Variants in CCDC181 observed in about 807,000 individuals in gnomAD.
CCDC181 encodes the protein coiled-coil domain containing 181, also known as coiled-coil domain-containing protein 181.
A neutral mutation model predicts 58.7 loss-of-function variants in CCDC181; 35 were observed. The ratio of observed to expected loss-of-function variants is 0.60; its 90% CI spans 0.46 to 0.79. The LOEUF (loss-of-function observed/expected upper bound fraction) is 0.79. Among genes scored for constraint, CCDC181 ranks in the 30% least tolerant of loss-of-function variants. The pLI is 0.00. For synonymous variants in CCDC181, 183 were observed against 197.5 expected, an observed-to-expected ratio of 0.93 and a Z score of 0.62; for missense variants, 517 against 583.9, an observed-to-expected ratio of 0.89 and a Z score of 1.18.
intron 1 of CCDC181, 49 bp downstream of exon 1, chr1:169,427,239 T>G (rs1656751053): frequency 1.3e-5 from 2 of 152,262 alleles, no homozygotes; most frequent in South Asian, 4.1e-4. Flanking sequence ...ATCCCACCAT[T>G]AACATCTCCG....
intron 3 of CCDC181, among the ~76,000 whole-genome samples, chr1:169,419,750 G>A (rs188529563): frequency 2.0e-5 from 3 of 152,216 alleles, no homozygotes; most frequent in Non-Finnish European, 4.4e-5. Context: ...TATGACAAAC[G>A]ATGATTATCT....
intron 4 of CCDC181, among the ~76,000 whole-genome samples, chr1:169,405,215 G>T (rs61807020): frequency 0.028 from 4,301 of 152,296 alleles, 107 homozygotes; most frequent in Non-Finnish European, 0.044. Flanking sequence ...TCAATATCGT[G>T]AAAATGGCCA....
chr1:169,433,798 T>C (rs1225836348), intron 2 of CCDC181, among the ~76,000 whole-genome samples: 7 of 152,004 alleles, frequency 4.6e-5, no homozygotes, highest in Admixed American at 4.6e-4. Flanking sequence ...AAGATGTAAA[T>C]GTAAGAACTA....
chr1:169,445,445 T>C (rs935021854), intron 2 of CCDC181, among the ~76,000 whole-genome samples: 2 of 152,194 alleles, frequency 1.3e-5, no homozygotes, highest in African/African-American at 2.4e-5. Flanking sequence ...ATTACATTTA[T>C]TGATTTTGAA....
upstream of CCDC181, among the ~76,000 whole-genome samples, chr1:169,430,801 T>C (rs1450928648): frequency 2.0e-5 from 3 of 152,122 alleles, no homozygotes; most frequent in Non-Finnish European, 4.4e-5. Context: ...AGATACAGAA[T>C]CTTCTTGGGT....
intron 3 of CCDC181, among the ~76,000 whole-genome samples, chr1:169,419,897 G>T (rs1656383652): frequency 6.6e-6 from 1 of 152,034 alleles, no homozygotes; most frequent in Non-Finnish European, 1.5e-5. Flanking sequence ...AGAAAATATG[G>T]GCATAAAAAA....
intron 2 of CCDC181, chr1:169,452,856 A>G (rs1364383036): frequency 6.6e-6 from 1 of 152,136 alleles, no homozygotes; most frequent in African/African-American, 2.4e-5. Context: ...AAATTGAATT[A>G]AAAATTATTT....
At chr1:169,436,594 T>A (rs1454015155) in intron 2 of CCDC181, among the ~76,000 whole-genome samples, 1 of 152,136 alleles carries the variant, frequency 6.6e-6, no homozygotes, top group Admixed American at 6.5e-5. Flanking sequence ...AAAAGAAAAT[T>A]TTTTTGTCTC....
At chr1:169,443,002 G>C (rs926452003) in intron 2 of CCDC181, 1 of 151,810 alleles carries the variant, frequency 6.6e-6, no homozygotes, top group East Asian at 1.9e-4. Flanking sequence ...AGACATATAT[G>C]TGTCTATATG....
At chr1:169,425,316 CTAAGT>C (rs1557872828) in intron 1 of CCDC181, among the ~76,000 whole-genome samples, 1 of 152,066 alleles carries the variant, frequency 6.6e-6, no homozygotes, top group African/African-American at 2.4e-5. Flanking sequence ...TTTGGCCAGA[CTAAGT>C]TATTACTGAA....
intron 2 of CCDC181, among the ~76,000 whole-genome samples, chr1:169,433,997 TGA>T (rs1656988625): frequency 6.6e-6 from 1 of 152,012 alleles, no homozygotes; most frequent in Non-Finnish European, 1.5e-5. Flanking sequence ...AGGCAACCTA[TGA>T]AATGGGAGAA....
intron 2 of CCDC181, among the ~76,000 whole-genome samples, chr1:169,438,553 T>C (rs549074958): frequency 5.3e-5 from 8 of 152,300 alleles, no homozygotes; most frequent in Non-Finnish European, 1.2e-4. Context: ...ACATTTTTCA[T>C]CCCAGCAAAA....
At chr1:169,406,490 C>G (rs1156808793) in intron 4 of CCDC181, among the ~76,000 whole-genome samples, 1 of 152,124 alleles carries the variant, frequency 6.6e-6, no homozygotes, top group Non-Finnish European at 1.5e-5. Flanking sequence ...AGTTCATATC[C>G]TTTTTAGGGA....
rs1354623351 is a variant in CCDC181, at chr1:169,422,050, A to C, written c.381T>G (p.Ile127Met). Residue 127 changes from isoleucine (I) to methionine (M), a missense_variant, in exon 3 of 6, where the codon ATT becomes ATG. Transcript: ENST00000367806. ...EEEDEEVRRY[I>M]MEKIVQANKL... ...TGTTAGCTTGTACAATTTTCTCCAT[A>C]ATATATCTCCTTACTTCCTCATCCT... The C allele has an allele frequency of 6.2e-7, 1 of 1,613,902 alleles. No homozygotes were observed. The highest frequency in any genetic ancestry group is 1.3e-5 in the African/African-American group (1 of 74,904).
At chr1:169,414,932 A>C (rs1656144180) in intron 4 of CCDC181, among the ~76,000 whole-genome samples, 2 of 152,346 alleles carry the variant, frequency 1.3e-5, no homozygotes, top group African/African-American at 4.8e-5. Context: ...ACTATTTCTC[A>C]TTAAAATATA....
At chr1:169,436,413 T>G (rs1657055939) in intron 2 of CCDC181, among the ~76,000 whole-genome samples, 1 of 152,180 alleles carries the variant, frequency 6.6e-6, no homozygotes, top group South Asian at 2.1e-4. Flanking sequence ...ATACCCCATC[T>G]TGCTTTTGTT....
intron 2 of CCDC181, among the ~76,000 whole-genome samples, chr1:169,449,176 CAG>C (rs1211508667): frequency 2.0e-5 from 3 of 152,142 alleles, no homozygotes; most frequent in African/African-American, 7.2e-5. Flanking sequence ...TTTATCTCTT[CAG>C]ACTGTTTTTG....
upstream of CCDC181, among the ~76,000 whole-genome samples, chr1:169,428,851 C>A (rs1050606961): frequency 6.6e-6 from 1 of 152,136 alleles, no homozygotes; most frequent in Non-Finnish European, 1.5e-5. Context: ...GATGGGTTTT[C>A]ACCATGTTGC....
At position 169,421,616 on chromosome 1, in the gene CCDC181, G is replaced by T; in HGVS notation, c.815C>A (p.Ser272Tyr). Residue 272 changes from serine to tyrosine, a missense_variant, in exon 3 of 6, where the codon TCT becomes TAT. Ser to Tyr is a moderately radical substitution (Grantham distance 144). Transcript: ENST00000367806. ...AGTGACAGCATGAATCTTTGCTGTAGAATCTTCTTTCTTGGTGCCACTGAC... is the reference window on the plus strand; with the variant it reads ...AGTGACAGCATGAATCTTTGCTGTATAATCTTCTTTCTTGGTGCCACTGAC... ...SSVSGTKKED[S>Y]TAKIHAVTHS... 4 of 1,614,126 alleles carry T rather than the reference G, an allele frequency of 2.5e-6. No individual in the cohort carries two copies. The highest frequency in any genetic ancestry group is 3.4e-6 in the Non-Finnish European group (4 of 1,179,996).
Sources: allele counts gnomAD v4.1 joint callset (sites outside exome capture counted in the v4.1 genomes callset), GRCh38; gene constraint gnomAD v4.1.1; transcripts MANE v1.5; gene names NCBI Gene and HGNC (gene_info 2026-07-23, HGNC 2026-07-21).